The following KIF18A variants were observed in gnomAD, a reference collection of about 807,000 sequenced individuals.
KIF18A encodes kinesin-like protein KIF18A.
Under a neutral mutation model 103.3 loss-of-function variants are expected in KIF18A, and 67 were observed. That is an observed-to-expected ratio of 0.65 (90% CI 0.53 to 0.79). KIF18A has a LOEUF of 0.79. Among genes scored for constraint, KIF18A ranks in the 30% least tolerant of loss-of-function variants. The probability of loss-of-function intolerance (pLI) is 0.00; values close to 1 mark genes in which losing one functional copy is unlikely to be tolerated. For missense variants in KIF18A, 1,032 were observed against 1,062.5 expected, an observed-to-expected ratio of 0.97 and a Z score of 0.40; for synonymous variants, 367 against 355.5, an observed-to-expected ratio of 1.03 and a Z score of -0.36.
At chr11:28,084,504 G>C (rs1173490532) in intron 7 of KIF18A, 128 bp downstream of exon 7, 1 of 595,858 alleles carries the variant, frequency 1.7e-6, no homozygotes, top group East Asian at 3.2e-5. Context: ...GGTTAGCAAA[G>C]ACCCTTCTAA....
chr11:28,079,712 T>C (rs543291435), intron 9 of KIF18A, among the ~76,000 whole-genome samples: 46 of 152,166 alleles, frequency 3.0e-4, no homozygotes, highest in South Asian at 1.0e-3. Context: ...TACTACAGGT[T>C]TTCCCTTTAA....
At chr11:28,067,434 C>T (rs1209297469) in intron 11 of KIF18A, among the ~76,000 whole-genome samples, 1 of 152,076 alleles carries the variant, frequency 6.6e-6, no homozygotes, top group Non-Finnish European at 1.5e-5. Context: ...TCATCATTAA[C>T]TACTACTGCT....
At chr11:28,087,588 TG>T (rs976203451) in intron 6 of KIF18A, among the ~76,000 whole-genome samples, 2 of 152,214 alleles carry the variant, frequency 1.3e-5, no homozygotes, top group Non-Finnish European at 2.9e-5. Flanking sequence ...TATAATTCTT[TG>T]GGCGTATATA....
At chr11:28,023,133 G>T (rs1348310036) in intron 16 of KIF18A, among the ~76,000 whole-genome samples, 3 of 152,134 alleles carry the variant, frequency 2.0e-5, no homozygotes, top group African/African-American at 7.2e-5. Flanking sequence ...CTGAAAACTG[G>T]CTGGCATGAT....
intron 13 of KIF18A, among the ~76,000 whole-genome samples, chr11:28,054,894 T>C (rs1335430596): frequency 2.6e-5 from 4 of 152,196 alleles, no homozygotes; most frequent in Admixed American, 2.6e-4. Flanking sequence ...TCTTTTGTTT[T>C]ATTGTTGACA....
chr11:28,062,352 A>T (rs1850865854), intron 12 of KIF18A, 43 bp downstream of exon 12: 1 of 1,535,810 alleles, frequency 6.5e-7, no homozygotes, highest in Non-Finnish European at 8.8e-7. Flanking sequence ...TGTGCTTCAG[A>T]TATAGTGTTA....
chr11:28,106,359 G>A (rs1851503206), intron 1 of KIF18A, among the ~76,000 whole-genome samples: 1 of 152,006 alleles, frequency 6.6e-6, no homozygotes, highest in Admixed American at 6.6e-5. Context: ...AACAAACACT[G>A]TATAGGACTG....
chr11:28,102,579 CAG>C (rs1243081631), intron 1 of KIF18A, among the ~76,000 whole-genome samples: 2 of 152,150 alleles, frequency 1.3e-5, no homozygotes, highest in Non-Finnish European at 1.5e-5. Flanking sequence ...AAATATTTTA[CAG>C]AGTTTGACTC....
chr11:28,069,192 G>A (rs1225695533), intron 11 of KIF18A, 67 bp downstream of exon 11: 28 of 1,244,050 alleles, frequency 2.3e-5, no homozygotes, highest in Non-Finnish European at 4.7e-6. Flanking sequence ...TACTCAATAA[G>A]AAAAAGAACA....
At chr11:28,075,593 A>G (rs867880608) in intron 10 of KIF18A, among the ~76,000 whole-genome samples, 1 of 151,730 alleles carries the variant, frequency 6.6e-6, no homozygotes, top group Non-Finnish European at 1.5e-5. Context: ...TGATTCCTTT[A>G]TCTTTGTTCA....
At chr11:28,078,727 T>C (rs1851126434) in intron 9 of KIF18A, among the ~76,000 whole-genome samples, 1 of 152,122 alleles carries the variant, frequency 6.6e-6, no homozygotes, top group Non-Finnish European at 1.5e-5. Context: ...TATGATTTCC[T>C]TTTGAGAATT....
In KIF18A at chr11:28,088,667, C is replaced by T. The variant is rs770270091; in HGVS notation, c.754G>A (p.Ala252Thr). The part of the protein sequence containing the change: ...TASINQNVRI[A>T]KMSLIDLAGS... The stretch of plus-strand genomic sequence containing the variant: ...GCCAGGTCAATGAGTGACATCTTGG[C>T]AATACGGACATTTTGATTGATACTT... The change falls in exon 6 of 17, where the codon GCC (alanine) becomes ACC (threonine). Residue 252 changes from alanine to threonine, a missense_variant. Coordinates refer to ENST00000263181, the MANE Select transcript of KIF18A (RefSeq NM_031217.4). The T allele has an allele frequency of 6.2e-7, 1 of 1,613,888 alleles. No individual in the cohort carries two copies. The highest frequency in any genetic ancestry group is 1.1e-5 in the South Asian group (1 of 91,068).
At chr11:28,090,519 G>T in intron 5 of KIF18A, 98 bp downstream of exon 5, 2 of 724,698 alleles carry the variant, frequency 2.8e-6, no homozygotes, top group Non-Finnish European at 2.4e-6. Context: ...GAAGTCTACA[G>T]ACAGATTTTT....
chr11:28,036,276 C>G lies in KIF18A; in HGVS notation c.2337G>C (p.Ser779=). ...ATTCTTGTTCGGGTAATTTACACTT[C>G]GAGCTCTTGATGTCTTCACATATAG... is the stretch of plus-strand genomic sequence containing the variant. ...TFTICEDIKS[S]KCKLPEQESL... is the part of the protein sequence containing the mutation. The change falls in exon 14 of 17, where the codon TCG becomes TCC. Residue 779 remains serine, a synonymous_variant. Transcript: ENST00000263181. 1.2e-6 allele frequency: 2 copies of G among 1,609,266 alleles called. No homozygotes were observed. Among genetic ancestry groups the G allele is most frequent in the Non-Finnish European group, 1.7e-6 (2 of 1,177,354 alleles).
chr11:28,082,802 A>C, intron 9 of KIF18A, 54 bp downstream of exon 9: 1 of 1,093,548 alleles, frequency 9.1e-7, no homozygotes, highest in South Asian at 1.4e-5. Flanking sequence ...AAAATACTTA[A>C]CAAAATTTTA....
chr11:28,080,375 T>C (rs1330864366), intron 9 of KIF18A, among the ~76,000 whole-genome samples: 1 of 148,264 alleles, frequency 6.7e-6, no homozygotes, highest in Non-Finnish European at 1.5e-5. Flanking sequence ...TTAAACAAAC[T>C]GAAGGTTTGT....
At chr11:28,069,208 T>C (rs760203312) in intron 11 of KIF18A, 51 bp downstream of exon 11, 3 of 1,398,188 alleles carry the variant, frequency 2.1e-6, no homozygotes, top group Non-Finnish European at 3.0e-6. Flanking sequence ...GAACACATTT[T>C]AGGAGCTCAG....
chr11:28,104,007 A>G (rs746278444), intron 1 of KIF18A, among the ~76,000 whole-genome samples: 1 of 152,146 alleles, frequency 6.6e-6, no homozygotes, highest in Non-Finnish European at 1.5e-5. Flanking sequence ...TGCCTCTGCA[A>G]TGTTTAATGA....
chr11:28,036,842 A>G (rs1850499523), intron 13 of KIF18A, among the ~76,000 whole-genome samples, 178 bp from the exon 14 acceptor site: 1 of 151,542 alleles, frequency 6.6e-6, no homozygotes. Context: ...AACTTTAAAT[A>G]AAGATAAACT....
Sources: gnomAD v4.1 joint callset for allele counts (sites outside exome capture counted in the v4.1 genomes callset) on GRCh38, gnomAD v4.1.1 for gene constraint, MANE v1.5 for transcripts, NCBI Gene and HGNC (gene_info 2026-07-23, HGNC 2026-07-21) for gene names.